The following ANKRD36C variants were observed in gnomAD, a reference collection of about 807,000 sequenced individuals.
The protein encoded by ANKRD36C is ankyrin repeat domain-containing protein 36C.
In ANKRD36C, 61 loss-of-function variants were observed where a neutral mutation model predicts 276.4. That is an observed-to-expected ratio of 0.22 (90% confidence interval 0.18 to 0.27). ANKRD36C has a LOEUF of 0.27. Ranked by LOEUF, ANKRD36C falls within the 10% of genes least tolerant of loss-of-function variation. The probability of loss-of-function intolerance (pLI) is 1.00; values close to 1 mark genes in which losing one functional copy is unlikely to be tolerated. For missense variants in ANKRD36C, 1,447 were observed against 2,032.3 expected (o/e 0.71, Z 5.54); for synonymous variants, 483 against 680.1 (o/e 0.71, Z 4.51).
chr2:95,902,726 G>GCAT (rs542119161), intron 42 of ANKRD36C, among the ~76,000 whole-genome samples, 160 bp downstream of exon 54: 1 of 150,284 alleles, frequency 6.7e-6, no homozygotes, highest in South Asian at 2.1e-4. Context: ...TTCCAGACCA[G>GCAT]CATCATCATC....
intron 10 of ANKRD36C, among the ~76,000 whole-genome samples, chr2:95,959,181 AT>A: frequency 6.6e-6 from 1 of 152,248 alleles, no homozygotes; most frequent in Non-Finnish European, 1.5e-5. Context: ...CATCAGAGGG[AT>A]TTATACCATT....
intron 36 of ANKRD36C, 21 bp downstream of exon 38, chr2:95,917,834 A>T: frequency 6.3e-7 from 1 of 1,584,712 alleles, no homozygotes; most frequent in Non-Finnish European, 8.6e-7. Context: ...ACGTGACATT[A>T]AATGTCTTTT....
At chr2:95,955,139 C>G (rs1183350193) in intron 13 of ANKRD36C, among the ~76,000 whole-genome samples, 1 of 152,220 alleles carries the variant, frequency 6.6e-6, no homozygotes, top group African/African-American at 2.4e-5. Flanking sequence ...AGAAAAGAGT[C>G]AGAAAAAAAG....
intron 60 of ANKRD36C, among the ~76,000 whole-genome samples, chr2:95,866,674 A>T (rs1675688422): frequency 6.6e-6 from 1 of 152,154 alleles, no homozygotes; most frequent in East Asian, 1.9e-4. Context: ...TTTACTGCTG[A>T]TGAGAATAGA....
At chr2:95,855,577 T>C (rs745376277) in exon 63 of ANKRD36C, 8 of 1,610,902 alleles carry the variant, frequency 5.0e-6, no homozygotes, top group African/African-American at 2.7e-5. Flanking sequence ...ATTTTTTCAA[T>C]GTCCTTCATT....
At chr2:95,934,596 GCC>G in intron 24 of ANKRD36C, among the ~76,000 whole-genome samples, 1 of 152,272 alleles carries the variant, frequency 6.6e-6, no homozygotes, top group African/African-American at 2.4e-5. Flanking sequence ...ACACACCAGG[GCC>G]TGTCAGGGAG....
intron 39 of ANKRD36C, 33 bp downstream of exon 41, chr2:95,914,242 A>C: frequency 6.4e-7 from 1 of 1,555,938 alleles, no homozygotes; most frequent in Non-Finnish European, 8.7e-7. Flanking sequence ...CTATGCATTT[A>C]CTAGGTCACA....
chr2:95,989,705 T>G (rs1181869047), intron 1 of ANKRD36C, among the ~76,000 whole-genome samples: 1 of 152,226 alleles, frequency 6.6e-6, no homozygotes, highest in African/African-American at 2.4e-5. Flanking sequence ...ATTTTTACAG[T>G]GTGATACTTA....
chr2:95,911,609 T>C (rs1421025184), intron 42 of ANKRD36C, among the ~76,000 whole-genome samples: 7 of 151,292 alleles, frequency 4.6e-5, no homozygotes, highest in African/African-American at 7.3e-5. Context: ...AGTCATTGAG[T>C]TTTTATGCCA....
At chr2:95,920,931 G>A (rs1354922301) in intron 34 of ANKRD36C, among the ~76,000 whole-genome samples, 1 of 149,726 alleles carries the variant, frequency 6.7e-6, no homozygotes, top group Non-Finnish European at 1.5e-5. Context: ...ATGCCTAATA[G>A]TAACAAAAAG....
chr2:95,991,576 G>A, exon 1 of ANKRD36C: 1 of 1,613,830 alleles, frequency 6.2e-7, no homozygotes, highest in Non-Finnish European at 8.5e-7. Flanking sequence ...AGTTCCTCCA[G>A]ATCACGATAG....
In ANKRD36C at chr2:95,916,916, G is replaced by A. The variant is rs149942800; in HGVS notation, c.2348-745C>T. 5.3e-3 allele frequency among the ~76,000 whole-genome samples: 805 copies of A among 151,672 alleles called. 5 individuals carry two copies. Among genetic ancestry groups the A allele is most frequent in the African/African-American group, 0.018 (754 of 41,456 alleles). ...TATACAAAGTAAAACTGCTACAAGC[G>A]TTAGATATTGAGCAGTTTTTCATTC... On this transcript the variant is annotated intron_variant, in intron 36 of 66. Transcript: ENST00000456556.
chr2:95,870,354 C>G (rs1477449105), intron 59 of ANKRD36C, among the ~76,000 whole-genome samples: 2 of 152,216 alleles, frequency 1.3e-5, no homozygotes, highest in African/African-American at 2.4e-5. Context: ...ATTCGCGGTT[C>G]ACGAAAATCT....
intron 6 of ANKRD36C, among the ~76,000 whole-genome samples, chr2:95,971,199 G>A (rs1438743750): frequency 5.3e-5 from 8 of 151,788 alleles, no homozygotes; most frequent in African/African-American, 1.7e-4. Context: ...TGTGAGGGAG[G>A]AATAAAAAAA....
chr2:95,870,101 A>C (rs1376579584), intron 59 of ANKRD36C, among the ~76,000 whole-genome samples: 1 of 152,220 alleles, frequency 6.6e-6, no homozygotes, highest in African/African-American at 2.4e-5. Context: ...GAGAAACAAA[A>C]AGACAGCAGT....
intron 60 of ANKRD36C, among the ~76,000 whole-genome samples, chr2:95,862,443 A>C (rs1675608194): frequency 6.6e-6 from 1 of 151,946 alleles, no homozygotes; most frequent in Non-Finnish European, 1.5e-5. Context: ...TGGGTCAAAC[A>C]GGTAATGAAA....
In ANKRD36C at chr2:95,921,661, C is replaced by A. The variant is rs1677273338; in HGVS notation, c.2191G>T (p.Asp731Tyr). 4 of 1,608,474 alleles carry A rather than the reference C, an allele frequency of 2.5e-6. No homozygotes were observed. In the South Asian group the frequency reaches 4.4e-5, roughly 18 times the overall value. The change falls in exon 34 of 67, where the codon GAT (aspartate) becomes TAT (tyrosine). Residue 731 changes from aspartate (D) to tyrosine (Y), a missense_variant. Physicochemically the swap from Asp to Tyr is radical, Grantham distance 160. Transcript: ENST00000456556. ...TCTGTGGCTATATTCGAAACAGAAT[C>A]TTCCTCGTCAGTTGTAGCCTGAATG... is the stretch of plus-strand genomic sequence containing the variant.
At chr2:95,968,737 C>A (rs1452526204) in intron 6 of ANKRD36C, among the ~76,000 whole-genome samples, 1 of 152,120 alleles carries the variant, frequency 6.6e-6, no homozygotes, top group Non-Finnish European at 1.5e-5. Flanking sequence ...CAAGGCTATT[C>A]CCCCACAGCA....
At chr2:95,891,962 T>A in intron 44 of ANKRD36C, 102 bp from the exon 65 acceptor site, 2 of 1,528,344 alleles carry the variant, frequency 1.3e-6, no homozygotes, top group South Asian at 2.4e-5. Flanking sequence ...CCTGCCTGTA[T>A]TAGCGTAGGC....
Sources: gnomAD v4.1 joint callset for allele counts (sites outside exome capture counted in the v4.1 genomes callset) on GRCh38, gnomAD v4.1.1 for gene constraint, MANE v1.5 for transcripts, NCBI Gene and HGNC (gene_info 2026-07-23, HGNC 2026-07-21) for gene names.